The following NDUFAF2 variants were observed in gnomAD, a reference collection of about 807,000 sequenced individuals.
The protein encoded by NDUFAF2 is NADH dehydrogenase [ubiquinone] 1 alpha subcomplex assembly factor 2.
Under a neutral mutation model 22.8 loss-of-function variants are expected in NDUFAF2, and 13 were observed. That is an observed-to-expected ratio of 0.57 (90% CI 0.37 to 0.91). The LOEUF is 0.91. Ranked by LOEUF, NDUFAF2 falls within the 40% of genes least tolerant of loss-of-function variation. The probability of loss-of-function intolerance (pLI) is 0.01; values close to 1 mark genes in which losing one functional copy is unlikely to be tolerated. For synonymous variants in NDUFAF2, 53 were observed against 64.2 expected (o/e 0.83, Z 0.84); for missense variants, 162 against 195.2 (o/e 0.83, Z 1.01).
At chr5:61,009,862 C>T (rs574785512) in intron 1 of NDUFAF2, among the ~76,000 whole-genome samples, 20 of 152,114 alleles carry the variant, frequency 1.3e-4, no homozygotes, top group Middle Eastern at 3.4e-3. Flanking sequence ...CTAATTATTC[C>T]CTTCCTCTAA....
At chr5:61,125,148 A>G (rs1753021552) in intron 3 of NDUFAF2, among the ~76,000 whole-genome samples, 1 of 152,066 alleles carries the variant, frequency 6.6e-6, no homozygotes, top group African/African-American at 2.4e-5. Flanking sequence ...ACACAGTGCC[A>G]CACACTGTGT....
intron 1 of NDUFAF2, among the ~76,000 whole-genome samples, chr5:60,961,138 A>G (rs1750678385): frequency 6.6e-6 from 1 of 152,124 alleles, no homozygotes; most frequent in Admixed American, 6.5e-5. Flanking sequence ...ATGTTGAAAA[A>G]TGAAACTTAA....
intron 1 of NDUFAF2, among the ~76,000 whole-genome samples, chr5:61,021,438 A>G (rs1334715365): frequency 6.6e-6 from 1 of 152,106 alleles, no homozygotes; most frequent in Non-Finnish European, 1.5e-5. Flanking sequence ...GATTCTTGTG[A>G]TTACATTGAG....
intron 1 of NDUFAF2, among the ~76,000 whole-genome samples, chr5:60,985,928 T>G (rs1473717667): frequency 1.3e-5 from 2 of 152,104 alleles, no homozygotes; most frequent in Admixed American, 6.6e-5. Context: ...TGAGAAACAT[T>G]AAAATCAGAA....
intron 1 of NDUFAF2, among the ~76,000 whole-genome samples, chr5:60,986,181 G>C (rs1751073146): frequency 6.6e-6 from 1 of 152,192 alleles, no homozygotes; most frequent in South Asian, 2.1e-4. Context: ...ATATCAAAGA[G>C]ATGTCTACAC....
intron 1 of NDUFAF2, among the ~76,000 whole-genome samples, chr5:61,066,982 C>A (rs1011050197): frequency 1.3e-5 from 2 of 151,932 alleles, no homozygotes; most frequent in African/African-American, 4.8e-5. Context: ...TACAAAGTAG[C>A]AGATATGTAA....
chr5:60,979,933 T>A (rs1454973984), intron 1 of NDUFAF2, among the ~76,000 whole-genome samples: 4 of 152,076 alleles, frequency 2.6e-5, no homozygotes, highest in Non-Finnish European at 5.9e-5. Context: ...GATGCTTGTT[T>A]TACCTCTCCC....
chr5:60,974,809 ATTTG>A (rs1221566115), intron 1 of NDUFAF2, among the ~76,000 whole-genome samples: 1 of 151,238 alleles, frequency 6.6e-6, no homozygotes. Flanking sequence ...TTGTTTGTTT[ATTTG>A]TTTATTTATT....
At chr5:60,997,223 T>G (rs1751239363) in intron 1 of NDUFAF2, among the ~76,000 whole-genome samples, 1 of 152,208 alleles carries the variant, frequency 6.6e-6, no homozygotes, top group Non-Finnish European at 1.5e-5. Flanking sequence ...GTGGCTTATG[T>G]TTATCAACAT....
intron 1 of NDUFAF2, among the ~76,000 whole-genome samples, chr5:61,065,895 T>G (rs2898310): frequency 6.6e-6 from 1 of 151,822 alleles, no homozygotes; most frequent in East Asian, 1.9e-4. Context: ...AGAAAAGAAG[T>G]AGAATTATCT....
At chr5:61,019,981 C>A (rs1751558031) in intron 1 of NDUFAF2, among the ~76,000 whole-genome samples, 1 of 152,054 alleles carries the variant, frequency 6.6e-6, no homozygotes, top group Non-Finnish European at 1.5e-5. Context: ...ACTACAAATT[C>A]AATGTCTTTA....
At chr5:61,021,073 C>A (rs168710) in intron 1 of NDUFAF2, among the ~76,000 whole-genome samples, 1 of 149,766 alleles carries the variant, frequency 6.7e-6, no homozygotes, top group African/African-American at 2.5e-5. Flanking sequence ...TTTTATTACT[C>A]GTTTCTCATT....
At chr5:61,042,473 C>T (rs1751896469) in intron 1 of NDUFAF2, among the ~76,000 whole-genome samples, 2 of 152,072 alleles carry the variant, frequency 1.3e-5, no homozygotes, top group Admixed American at 6.6e-5. Context: ...GAGAGATATA[C>T]ATTTATATTG....
At chr5:60,989,599 C>T (rs1751131146) in intron 1 of NDUFAF2, among the ~76,000 whole-genome samples, 1 of 152,132 alleles carries the variant, frequency 6.6e-6, no homozygotes. Flanking sequence ...TTTTCAGCAA[C>T]ATGGATGGAA....
At chr5:61,138,921 A>C (rs560651820) in intron 3 of NDUFAF2, among the ~76,000 whole-genome samples, 2 of 152,100 alleles carry the variant, frequency 1.3e-5, no homozygotes, top group South Asian at 4.2e-4. Context: ...TTAGACATCC[A>C]CCTCCACCCA....
At chr5:61,006,966 AT>A (rs940829816) in intron 1 of NDUFAF2, among the ~76,000 whole-genome samples, 1 of 151,668 alleles carries the variant, frequency 6.6e-6, no homozygotes, top group Non-Finnish European at 1.5e-5. Flanking sequence ...TAAAGAACGG[AT>A]TTTTTTTCTT....
chr5:61,114,691 G>C (rs1367169705), intron 3 of NDUFAF2: 2 of 152,136 alleles, frequency 1.3e-5, no homozygotes, highest in African/African-American at 2.4e-5. Context: ...GGCTTTCCAA[G>C]TATTTGAAAG....
chr5:60,989,154 G>GA (rs1423449484), intron 1 of NDUFAF2, among the ~76,000 whole-genome samples: 1 of 152,146 alleles, frequency 6.6e-6, no homozygotes, highest in Non-Finnish European at 1.5e-5. Context: ...ACAAGCATAT[G>GA]AAAAAATGCT....
At chr5:61,113,882 A>C (rs1752875721) in intron 3 of NDUFAF2, among the ~76,000 whole-genome samples, 1 of 151,828 alleles carries the variant, frequency 6.6e-6, no homozygotes. Context: ...TAAGATTTCC[A>C]CTGAAAAGTC....
Sources: gnomAD v4.1 joint callset for allele counts (sites outside exome capture counted in the v4.1 genomes callset) on GRCh38, gnomAD v4.1.1 for gene constraint, MANE v1.5 for transcripts, NCBI Gene and HGNC (gene_info 2026-07-23, HGNC 2026-07-21) for gene names.